Variants in HECW1 observed in about 807,000 individuals in gnomAD.
HECW1 encodes the protein HECT, C2 and WW domain containing E3 ubiquitin protein ligase 1.
A neutral mutation model predicts 182.3 loss-of-function variants in HECW1; 61 were observed. That is an observed-to-expected ratio of 0.33 (90% CI 0.27 to 0.41). The LOEUF is 0.41. Among genes scored for constraint, HECW1 ranks in the 10% least tolerant of loss-of-function variants. The pLI, the probability that HECW1 is intolerant of heterozygous loss-of-function variation, is 1.00. For missense variants in HECW1, 1,739 were observed against 2,108.9 expected (o/e 0.82, Z 3.44); for synonymous variants, 859 against 832.6 (o/e 1.03, Z -0.55).
At chr7:43,344,642 C>T (rs565503098) in intron 5 of HECW1, among the ~76,000 whole-genome samples, 3 of 152,034 alleles carry the variant, frequency 2.0e-5, no homozygotes, top group African/African-American at 7.2e-5. Flanking sequence ...ATTTCAGTTA[C>T]CTATATTTTA....
At chr7:43,320,833 C>A in intron 5 of HECW1, 91 bp downstream of exon 5, 1 of 912,464 alleles carries the variant, frequency 1.1e-6, no homozygotes, top group Non-Finnish European at 1.8e-6. Flanking sequence ...ACTGCCTCCA[C>A]TAAGAAATGG....
chr7:43,322,629 T>C (rs917461881), intron 5 of HECW1, among the ~76,000 whole-genome samples: 1 of 152,170 alleles, frequency 6.6e-6, no homozygotes, highest in Admixed American at 6.5e-5. Context: ...ACAAATAGCA[T>C]CATTCAGCAT....
chr7:43,327,203 TA>T (rs1166749469), intron 5 of HECW1, among the ~76,000 whole-genome samples: 3 of 152,046 alleles, frequency 2.0e-5, no homozygotes, highest in African/African-American at 7.2e-5. Context: ...CTGTGCAACG[TA>T]AAGGTGTGAT....
chr7:43,307,939 TGTA>T (rs1440052534), intron 3 of HECW1, among the ~76,000 whole-genome samples: 8 of 137,172 alleles, frequency 5.8e-5, no homozygotes, highest in African/African-American at 2.2e-4. Context: ...TATAGTGAAA[TGTA>T]TTATTATATA....
At chr7:43,489,433 G>A (rs774285461) in intron 17 of HECW1, among the ~76,000 whole-genome samples, 3 of 152,192 alleles carry the variant, frequency 2.0e-5, no homozygotes, top group Non-Finnish European at 4.4e-5. Context: ...TTATTGATCA[G>A]CAAACTTTTC....
chr7:43,173,584 T>C (rs193110991), intron 2 of HECW1, among the ~76,000 whole-genome samples: 364 of 152,318 alleles, frequency 2.4e-3, no homozygotes, highest in African/African-American at 8.3e-3. Context: ...ATAAGGAGCA[T>C]GCAACCTAGA....
intron 5 of HECW1, among the ~76,000 whole-genome samples, chr7:43,321,071 G>A (rs1810055491): frequency 6.6e-6 from 1 of 152,076 alleles, no homozygotes; most frequent in African/African-American, 2.4e-5. Flanking sequence ...TCTCCAATGT[G>A]GCCATAGTTA....
chr7:43,228,736 T>G (rs1797641151), intron 2 of HECW1, among the ~76,000 whole-genome samples: 1 of 152,176 alleles, frequency 6.6e-6, no homozygotes, highest in African/African-American at 2.4e-5. Context: ...AGCAAAAATA[T>G]AAACAATCTA....
intron 5 of HECW1, among the ~76,000 whole-genome samples, chr7:43,330,162 T>C (rs1278568572): frequency 6.6e-6 from 1 of 152,188 alleles, no homozygotes; most frequent in Non-Finnish European, 1.5e-5. Flanking sequence ...TGACCTGGGC[T>C]GGTTTCCAAA....
At chr7:43,121,299 T>C (rs1444339641) in intron 2 of HECW1, among the ~76,000 whole-genome samples, 4 of 152,198 alleles carry the variant, frequency 2.6e-5, no homozygotes, top group African/African-American at 9.6e-5. Flanking sequence ...CTTTGCTTCC[T>C]CTGGGCCACA....
intron 12 of HECW1, among the ~76,000 whole-genome samples, chr7:43,453,025 G>A (rs1055300614): frequency 2.0e-4 from 30 of 152,190 alleles, no homozygotes; most frequent in African/African-American, 7.2e-4. Flanking sequence ...GATCATGCAG[G>A]GCCTTGTAAA....
At chr7:43,401,646 C>T (rs1458940599) in intron 7 of HECW1, among the ~76,000 whole-genome samples, 1 of 134,680 alleles carries the variant, frequency 7.4e-6, no homozygotes, top group Non-Finnish European at 1.5e-5. Context: ...TACAAAAGAA[C>T]AATCCTCATG....
chr7:43,125,757 T>TAA (rs57874835), intron 2 of HECW1, among the ~76,000 whole-genome samples: 15,272 of 86,228 alleles, frequency 0.18, 1,650 homozygotes, highest in Non-Finnish European at 0.21. Context: ...GATTCTGTCT[T>TAA]AAAAAAAAAA....
chr7:43,314,422 A>AG (rs1390940243), intron 4 of HECW1, among the ~76,000 whole-genome samples: 5 of 151,068 alleles, frequency 3.3e-5, no homozygotes, highest in African/African-American at 9.7e-5. Flanking sequence ...TCACAGTGAG[A>AG]GGGGGCAGGG....
At chr7:43,237,840 G>C (rs111882544) in intron 2 of HECW1, among the ~76,000 whole-genome samples, 3,415 of 144,058 alleles carry the variant, frequency 0.024, 49 homozygotes, top group South Asian at 0.073. Flanking sequence ...TTTCCCCCCC[G>C]CCGCCCCCAC....
In HECW1 at chr7:43,438,087, C is replaced by T. The variant is rs1335374674; in HGVS notation, c.886C>T (p.Arg296Cys). 6.2e-7 allele frequency: 1 copy of T among 1,614,062 alleles called. No individual in the cohort carries two copies. The highest frequency in any genetic ancestry group is 1.7e-5 in the Admixed American group (1 of 60,006). The part of the protein sequence containing the change: ...KFAKSRPIIK[R>C]FLGKLSMPVQ... ...TGCCAAGAGCCGCCCCATCATCAAGCGCTTCTTGGGAAAGCTGTCGATGCC... is the reference window on the plus strand; with the variant it reads ...TGCCAAGAGCCGCCCCATCATCAAGTGCTTCTTGGGAAAGCTGTCGATGCC... The change falls in exon 9 of 30, where the codon CGC (arginine) becomes TGC (cysteine). Residue 296 changes from arginine (R) to cysteine (C), a missense_variant. By Grantham distance (180) the Arg-to-Cys change is radical (BLOSUM62 -3). This residue lies in a region of HECW1 where 66 missense variants were observed against 113.8 expected (regional missense o/e 0.58). Transcript: ENST00000395891.
chr7:43,124,443 T>C (rs1358509610), intron 2 of HECW1, among the ~76,000 whole-genome samples: 1 of 152,264 alleles, frequency 6.6e-6, no homozygotes, highest in Non-Finnish European at 1.5e-5. Context: ...ATTCATAGAA[T>C]GCTGTCTGGA....
chr7:43,366,349 C>T (rs1377852699), intron 6 of HECW1, among the ~76,000 whole-genome samples: 1 of 152,084 alleles, frequency 6.6e-6, no homozygotes, highest in Non-Finnish European at 1.5e-5. Flanking sequence ...TGATAAATAC[C>T]CTCCCTTCCC....
chr7:43,296,507 C>A (rs201626599), intron 3 of HECW1, among the ~76,000 whole-genome samples: 1 of 152,108 alleles, frequency 6.6e-6, no homozygotes, highest in Non-Finnish European at 1.5e-5. Flanking sequence ...CTGAACTTGG[C>A]GGCGCAGCTG....
Sources: allele counts gnomAD v4.1 joint callset (sites outside exome capture counted in the v4.1 genomes callset), GRCh38; gene constraint gnomAD v4.1.1; regional missense constraint gnomAD v4.1.1; transcripts MANE v1.5; gene names NCBI Gene and HGNC (gene_info 2026-07-23, HGNC 2026-07-21).